The following PPME1 variants were observed in gnomAD, a reference collection of about 807,000 sequenced individuals.
PPME1 encodes protein phosphatase methylesterase 1, also known as testicular secretory protein Li 39.
In PPME1, 17 loss-of-function variants were observed where a neutral mutation model predicts 56.9. The observed-to-expected ratio is 0.30, with a 90% CI of 0.20 to 0.45. PPME1 has a LOEUF of 0.45. Ranked by LOEUF, PPME1 falls within the 20% of genes least tolerant of loss-of-function variation. PPME1 has a pLI of 1.00. For missense variants in PPME1, 357 were observed against 483.2 expected (o/e 0.74, Z 2.45); for synonymous variants, 122 against 156.2 (o/e 0.78, Z 1.63).
intron 3 of PPME1, among the ~76,000 whole-genome samples, chr11:74,218,262 G>A (rs1057493486): frequency 4.0e-5 from 6 of 151,802 alleles, no homozygotes; most frequent in African/African-American, 1.5e-4. Flanking sequence ...AAGAGGACAC[G>A]AAAAAGAGAA....
intron 9 of PPME1, among the ~76,000 whole-genome samples, chr11:74,241,636 A>G (rs1859363442): frequency 6.6e-6 from 1 of 152,152 alleles, no homozygotes; most frequent in Non-Finnish European, 1.5e-5. Flanking sequence ...GTTTCTCAGT[A>G]TCCTTGTCAG....
At chr11:74,211,932 C>T (rs574452137) in intron 3 of PPME1, among the ~76,000 whole-genome samples, 1 of 152,142 alleles carries the variant, frequency 6.6e-6, no homozygotes, top group African/African-American at 2.4e-5. Context: ...TTGAGAGGGG[C>T]GGCAGAGCAA....
At chr11:74,218,612 C>A (rs180878967) in intron 3 of PPME1, among the ~76,000 whole-genome samples, 8 of 152,284 alleles carry the variant, frequency 5.3e-5, no homozygotes, top group Non-Finnish European at 1.0e-4. Context: ...CTACAGTGAA[C>A]TCATTTTCAA....
chr11:74,251,487 C>G lies in PPME1; in HGVS notation c.1075-161C>G, dbSNP rs1219452821. 47 of 1,440,514 alleles carry G rather than the reference C, an allele frequency of 3.3e-5. 1 individual carries two copies. In the East Asian group the frequency reaches 5.0e-4, roughly 15 times the overall value. 89.2% of individuals were successfully genotyped at this position (1,440,514 alleles called of 1,614,324 possible). ...AGGATAGTGGGGAGGAGTCTTCTAGCTCTGCTAGGGAGGGCCTAGGTCCTT... is the reference window on the plus strand; with the variant it reads ...AGGATAGTGGGGAGGAGTCTTCTAGGTCTGCTAGGGAGGGCCTAGGTCCTT... On this transcript the variant is annotated intron_variant, in intron 12 of 13. Transcript: ENST00000328257.
At chr11:74,201,756 A>G (rs370312543) in intron 1 of PPME1, among the ~76,000 whole-genome samples, 1 of 152,308 alleles carries the variant, frequency 6.6e-6, no homozygotes, top group East Asian at 1.9e-4. Flanking sequence ...ATTATGTACT[A>G]TTACTATGAT....
At chr11:74,178,214 A>G (rs545260108) in intron 1 of PPME1, among the ~76,000 whole-genome samples, 24 of 152,228 alleles carry the variant, frequency 1.6e-4, no homozygotes, top group Non-Finnish European at 2.4e-4. Flanking sequence ...CTCTACTTCT[A>G]TCTTATCTTT....
chr11:74,235,583 C>T (rs1215844157), intron 7 of PPME1: 3 of 251,890 alleles, frequency 1.2e-5, no homozygotes, highest in African/African-American at 2.3e-5. Flanking sequence ...TTTCTTTGAA[C>T]CTTGCCTCAT....
intron 3 of PPME1, among the ~76,000 whole-genome samples, chr11:74,220,981 G>A (rs182036240): frequency 6.6e-6 from 1 of 152,216 alleles, no homozygotes; most frequent in African/African-American, 2.4e-5. Context: ...TATCATGAGA[G>A]CAGGAGTATT....
At chr11:74,213,256 A>G (rs980727101) in intron 3 of PPME1, among the ~76,000 whole-genome samples, 2 of 152,162 alleles carry the variant, frequency 1.3e-5, no homozygotes, top group East Asian at 1.9e-4. Context: ...GCTTGTGGAA[A>G]GGATAGGGAA....
intron 7 of PPME1, among the ~76,000 whole-genome samples, chr11:74,235,254 G>A (rs1377502047): frequency 6.6e-6 from 1 of 152,180 alleles, no homozygotes; most frequent in African/African-American, 2.4e-5. Flanking sequence ...GTGGACAAAT[G>A]TGAGAAGACT....
chr11:74,191,945 C>A (rs1181673369), intron 1 of PPME1, among the ~76,000 whole-genome samples: 1 of 152,226 alleles, frequency 6.6e-6, no homozygotes, highest in Non-Finnish European at 1.5e-5. Context: ...GAGCCCCCGT[C>A]AAAGACCCCA....
intron 11 of PPME1, chr11:74,250,667 C>T (rs765551781): frequency 1.7e-5 from 6 of 353,232 alleles, no homozygotes; most frequent in Non-Finnish European, 2.1e-5. Flanking sequence ...TACTCCCCTA[C>T]TGGACTGTAA....
intron 1 of PPME1, among the ~76,000 whole-genome samples, chr11:74,178,561 A>C (rs1271276910): frequency 6.6e-6 from 1 of 152,226 alleles, no homozygotes; most frequent in Non-Finnish European, 1.5e-5. Flanking sequence ...TCTGGCCCAA[A>C]TCCTGAGGTT....
In PPME1 at chr11:74,204,494, A is replaced by G. The variant is rs779802018; in HGVS notation, c.288+49A>G. 32 of 1,462,942 alleles carry G rather than the reference A, an allele frequency of 2.2e-5. No individual in the cohort carries two copies. The Middle Eastern group carries it at 1.2e-3, about 55-fold the overall frequency. The allele number at this position is 1,462,942 out of a possible 1,614,324, so 90.6% of individuals were successfully genotyped here. ...AGTTAATGTTAGCACTTTTGAACTA[A>G]TGAAAGTATAGGGACAAATCTTGGA... On this transcript the variant is annotated intron_variant, in intron 3 of 13. Coordinates refer to ENST00000328257, the MANE Select transcript of PPME1 (RefSeq NM_016147.3).
chr11:74,203,861 G>T, intron 2 of PPME1, 40 bp downstream of exon 2: 1 of 1,419,080 alleles, frequency 7.0e-7, no homozygotes, highest in South Asian at 1.3e-5. Context: ...GTGAGCTTAT[G>T]ATGTTGTCTA....
At chr11:74,217,407 T>G (rs1858677722) in intron 3 of PPME1, among the ~76,000 whole-genome samples, 2 of 151,790 alleles carry the variant, frequency 1.3e-5, no homozygotes. Context: ...CCAGACATGG[T>G]GGCGCGCACT....
chr11:74,226,175 A>G (rs565253746), intron 5 of PPME1, among the ~76,000 whole-genome samples: 1 of 152,292 alleles, frequency 6.6e-6, no homozygotes. Context: ...GCCAACTTTC[A>G]TTAAAGTATA....
At chr11:74,184,149 A>G (rs1857610481) in intron 1 of PPME1, among the ~76,000 whole-genome samples, 1 of 152,214 alleles carries the variant, frequency 6.6e-6, no homozygotes, top group African/African-American at 2.4e-5. Flanking sequence ...TAATGCTTAT[A>G]AAGTGCCTAG....
intron 1 of PPME1, among the ~76,000 whole-genome samples, chr11:74,192,852 A>G (rs1054384617): frequency 5.3e-5 from 8 of 152,186 alleles, no homozygotes; most frequent in Non-Finnish European, 1.0e-4. Flanking sequence ...TGCTGGTACC[A>G]TGCAGAACCA....
Sources: gnomAD v4.1 joint callset for allele counts (sites outside exome capture counted in the v4.1 genomes callset) on GRCh38, gnomAD v4.1.1 for gene constraint, MANE v1.5 for transcripts, NCBI Gene and HGNC (gene_info 2026-07-23, HGNC 2026-07-21) for gene names.